XKR4: variants seen among roughly 807,000 people sequenced by gnomAD.
The protein encoded by XKR4 is XK-related protein 4.
Under a neutral mutation model 53.9 loss-of-function variants are expected in XKR4, and 12 were observed. The ratio of observed to expected loss-of-function variants is 0.22; its 90% CI spans 0.14 to 0.36. The LOEUF (loss-of-function observed/expected upper bound fraction) is 0.36. XKR4 is among the 10% of genes least tolerant of loss of function. The pLI, the probability that XKR4 is intolerant of heterozygous loss-of-function variation, is 1.00. For missense variants in XKR4, 799 were observed against 859.5 expected, an observed-to-expected ratio of 0.93 and a Z score of 0.88; for synonymous variants, 354 against 362.4, an observed-to-expected ratio of 0.98 and a Z score of 0.26.
chr8:55,362,661 G>T (rs1257746411), intron 2 of XKR4, among the ~76,000 whole-genome samples: 2 of 152,182 alleles, frequency 1.3e-5, no homozygotes, highest in Non-Finnish European at 2.9e-5. Context: ...ACCCCATCTG[G>T]ACTTTTCAAT....
intron 2 of XKR4, chr8:55,455,050 G>A: frequency 1.4e-6 from 1 of 728,936 alleles, no homozygotes; most frequent in Non-Finnish European, 2.5e-6. Flanking sequence ...TCTCCGGGAA[G>A]AACTGCAGAA....
chr8:55,323,558 T>C (rs926449225), intron 1 of XKR4, among the ~76,000 whole-genome samples: 4 of 152,252 alleles, frequency 2.6e-5, no homozygotes, highest in African/African-American at 7.2e-5. Flanking sequence ...TAGTATTCTA[T>C]TGTGTGGATG....
chr8:55,243,010 T>C (rs1294561472), intron 1 of XKR4, among the ~76,000 whole-genome samples: 1 of 152,192 alleles, frequency 6.6e-6, no homozygotes, highest in African/African-American at 2.4e-5. Flanking sequence ...ATTTTTGTTG[T>C]ATTCCTTTTT....
intron 1 of XKR4, among the ~76,000 whole-genome samples, chr8:55,241,985 C>T (rs932651356): frequency 1.3e-5 from 2 of 151,994 alleles, no homozygotes; most frequent in African/African-American, 4.8e-5. Context: ...TCTGTACATG[C>T]TAAACTTTTA....
At chr8:55,195,152 G>C (rs1053126281) in intron 1 of XKR4, among the ~76,000 whole-genome samples, 1 of 98,872 alleles carries the variant, frequency 1.0e-5, no homozygotes, top group Admixed American at 9.7e-5. Context: ...AATTTTCACC[G>C]ACAAGTCCAT....
At chr8:55,423,390 C>G (rs972177517) in intron 2 of XKR4, among the ~76,000 whole-genome samples, 1 of 152,130 alleles carries the variant, frequency 6.6e-6, no homozygotes, top group African/African-American at 2.4e-5. Flanking sequence ...CCACCGCACC[C>G]GCCAGTACAT....
At chr8:55,504,274 G>A (rs938826943) in intron 2 of XKR4, among the ~76,000 whole-genome samples, 58 of 151,948 alleles carry the variant, frequency 3.8e-4, no homozygotes, top group African/African-American at 1.3e-3. Flanking sequence ...GTGCAGTGAT[G>A]CGATCTCAGC....
chr8:55,148,060 A>G (rs565544174), intron 1 of XKR4, among the ~76,000 whole-genome samples: 1 of 152,330 alleles, frequency 6.6e-6, no homozygotes, highest in African/African-American at 2.4e-5. Context: ...TTACAAGTGC[A>G]CTGGTCCATT....
chr8:55,531,714 T>C lies in XKR4; in HGVS notation c.*7487T>C, dbSNP rs766215289. The C allele has an allele frequency of 5.9e-5, 9 of 152,228 alleles. No individual in the cohort carries two copies. The highest frequency in any genetic ancestry group is 6.5e-5 in the Admixed American group (1 of 15,290). 9.4% of individuals were successfully genotyped at this position (152,228 alleles called of 1,614,324 possible). ...TGAGAACTTATTTCAAGAAAAGGCATGAAATTAGGGAGACTCCAAAGTGAA... is the reference window on the plus strand; with the variant it reads ...TGAGAACTTATTTCAAGAAAAGGCACGAAATTAGGGAGACTCCAAAGTGAA... On this transcript the variant is annotated 3_prime_UTR_variant, in exon 3 of 3. Transcript: ENST00000327381.
At chr8:55,241,270 C>G (rs1252919948) in intron 1 of XKR4, among the ~76,000 whole-genome samples, 1 of 152,148 alleles carries the variant, frequency 6.6e-6, no homozygotes, top group Non-Finnish European at 1.5e-5. Context: ...GTTTCTCTTC[C>G]CTCATAGATC....
intron 1 of XKR4, among the ~76,000 whole-genome samples, chr8:55,332,260 G>A (rs964114570): frequency 9.2e-5 from 14 of 152,044 alleles, no homozygotes; most frequent in African/African-American, 3.4e-4. Context: ...TCTTCATATA[G>A]CATATACCCA....
intron 2 of XKR4, among the ~76,000 whole-genome samples, chr8:55,427,996 T>C (rs1311936351): frequency 1.3e-5 from 2 of 152,228 alleles, no homozygotes; most frequent in African/African-American, 2.4e-5. Flanking sequence ...AGTTAAAATT[T>C]AATTAAATTG....
intron 1 of XKR4, among the ~76,000 whole-genome samples, chr8:55,237,034 A>G (rs756824710): frequency 3.9e-5 from 6 of 152,222 alleles, no homozygotes; most frequent in Non-Finnish European, 7.3e-5. Flanking sequence ...TTCTTCTTCA[A>G]GGTCTAGTTC....
chr8:55,355,804 G>A (rs1353619259), intron 1 of XKR4, among the ~76,000 whole-genome samples: 1 of 152,190 alleles, frequency 6.6e-6, no homozygotes, highest in Non-Finnish European at 1.5e-5. Context: ...AGCTTTCGGT[G>A]AAAAGCTTGC....
intron 2 of XKR4, chr8:55,454,426 G>A (rs1359148332): frequency 1.8e-5 from 22 of 1,248,560 alleles, no homozygotes; most frequent in Middle Eastern, 1.9e-4. Context: ...TGCAGGCATC[G>A]GTGAGCTGCT....
chr8:55,124,299 C>T (rs16921167), intron 1 of XKR4, among the ~76,000 whole-genome samples: 1 of 151,982 alleles, frequency 6.6e-6, no homozygotes, highest in African/African-American at 2.4e-5. Context: ...CTTTGTGGAA[C>T]CTTCTTTAGT....
chr8:55,411,884 C>T (rs2129391308), intron 2 of XKR4, among the ~76,000 whole-genome samples: 1 of 152,322 alleles, frequency 6.6e-6, no homozygotes, highest in Admixed American at 6.5e-5. Context: ...GAAATCCTGT[C>T]AGCTAAAGAC....
intron 1 of XKR4, among the ~76,000 whole-genome samples, chr8:55,281,299 T>C (rs1362301651): frequency 6.6e-6 from 1 of 152,190 alleles, no homozygotes; most frequent in African/African-American, 2.4e-5. Flanking sequence ...CTGAGTTGGG[T>C]TGCCACAATT....
rs375162007 is a variant in XKR4 at position 55,153,820 on chromosome 8, GATACTATGCGA to G, written c.806+50529_806+50539del. The stretch of plus-strand genomic sequence containing the variant: ...CTAGCTGATATGCTCATGCTTTCTT[GATACTATGCGA>G]ATCCACTTGGAAAAAAGAAAGCAAG... On this transcript the variant is annotated intron_variant, in intron 1 of 2. Coordinates refer to ENST00000327381, the MANE Select transcript of XKR4 (RefSeq NM_052898.2). Among the ~76,000 whole-genome samples, 525 of 152,280 alleles carry G rather than the reference GATACTATGCGA, an allele frequency of 3.4e-3. 3 individuals are homozygous for G. The highest frequency in any genetic ancestry group is 0.012 in the African/African-American group (492 of 41,552).
Sources: gnomAD v4.1 joint callset for allele counts (sites outside exome capture counted in the v4.1 genomes callset) on GRCh38, gnomAD v4.1.1 for gene constraint, MANE v1.5 for transcripts, NCBI Gene and HGNC (gene_info 2026-07-23, HGNC 2026-07-21) for gene names.